The following RFTN2 variants were observed in gnomAD, a reference collection of about 807,000 sequenced individuals.
RFTN2 encodes raftlin family member 2, also known as raftlin-2.
A neutral mutation model predicts 52.7 loss-of-function variants in RFTN2; 34 were observed. The observed-to-expected ratio is 0.64, with a 90% CI of 0.49 to 0.86. The LOEUF (loss-of-function observed/expected upper bound fraction) is 0.86. Among genes scored for constraint, RFTN2 ranks in the 40% least tolerant of loss-of-function variants. The pLI is 0.00. For synonymous variants in RFTN2, 203 were observed against 217.7 expected, an observed-to-expected ratio of 0.93 and a Z score of 0.59; for missense variants, 536 against 600.1, an observed-to-expected ratio of 0.89 and a Z score of 1.12.
In RFTN2 at chr2:197,568,428, TTAAA is replaced by T. The variant is rs1329002616; in HGVS notation, c.*3576_*3579del. 2.0e-5 allele frequency: 3 copies of T among 152,190 alleles called. No individual in the cohort carries two copies. The highest frequency in any genetic ancestry group is 7.2e-5 in the African/African-American group (3 of 41,438). 9.4% of individuals were successfully genotyped at this position (152,190 alleles called of 1,614,324 possible). On this transcript the variant is annotated 3_prime_UTR_variant, in exon 9 of 9. Coordinates refer to ENST00000295049, the MANE Select transcript of RFTN2 (RefSeq NM_144629.3). The stretch of plus-strand genomic sequence containing the variant: ...TCTGCCTCAAACACCATCTCAGAAC[TTAAA>T]TATCTGACAGACCTGGTTCTGCAAA...
At chr2:197,589,420 C>G (rs919337987) in intron 8 of RFTN2, among the ~76,000 whole-genome samples, 3 of 151,972 alleles carry the variant, frequency 2.0e-5, no homozygotes, top group Non-Finnish European at 4.4e-5. Context: ...TCAGGTATGT[C>G]TTTATCAGCT....
rs182680009 is a variant in RFTN2, at chr2:197,614,236, T to C, written c.1154+1640A>G. 3.1e-3 allele frequency among the ~76,000 whole-genome samples: 470 copies of C among 152,332 alleles called. 8 individuals carry two copies. The highest frequency in any genetic ancestry group is 4.7e-4 in the Non-Finnish European group (32 of 68,026). Reference sequence around the variant, plus strand: ...GCTTCCACATATTTTTATTTATTGATTGACTTTTTGCCTTTTAAATTTGAT... The same window carrying C: ...GCTTCCACATATTTTTATTTATTGACTGACTTTTTGCCTTTTAAATTTGAT... On this transcript the variant is annotated intron_variant, in intron 7 of 8. Coordinates refer to ENST00000295049, the MANE Select transcript of RFTN2 (RefSeq NM_144629.3).
chr2:197,601,376 T>C (rs1191677062), intron 7 of RFTN2, among the ~76,000 whole-genome samples: 1 of 152,218 alleles, frequency 6.6e-6, no homozygotes, highest in Non-Finnish European at 1.5e-5. Flanking sequence ...TTGACTCCTG[T>C]AGTGCTCTCA....
At position 197,569,929 on chromosome 2, in the gene RFTN2, CAAAAAAAAAAAA is replaced by C. The variant is rs58563614; in HGVS notation, c.*2067_*2078del. The C allele has an allele frequency of 2.7e-5, 2 of 75,108 alleles. No individual in the cohort carries two copies. The highest frequency in any genetic ancestry group is 4.8e-5 in the Non-Finnish European group (2 of 41,324). 4.7% of individuals were successfully genotyped at this position (75,108 alleles called of 1,614,324 possible). ...TGGGTGACAGAGTGAGGCTCTGTCT[CAAAAAAAAAAAA>C]AAAAAAAAAAAGTTATTGCTATATT... On this transcript the variant is annotated 3_prime_UTR_variant, in exon 9 of 9. Transcript: ENST00000295049.
intron 4 of RFTN2, among the ~76,000 whole-genome samples, chr2:197,632,704 T>C (rs2088486739): frequency 6.6e-6 from 1 of 152,118 alleles, no homozygotes; most frequent in Non-Finnish European, 1.5e-5. Flanking sequence ...ATGGTGGAGA[T>C]GGGTGCGATC....
chr2:197,583,685 T>C (rs2087547503), intron 8 of RFTN2, among the ~76,000 whole-genome samples: 1 of 152,024 alleles, frequency 6.6e-6, no homozygotes, highest in Admixed American at 6.6e-5. Context: ...ACATGCAGGT[T>C]TGTTACATAT....
chr2:197,586,355 C>T (rs2087598275), intron 8 of RFTN2, among the ~76,000 whole-genome samples: 1 of 152,158 alleles, frequency 6.6e-6, no homozygotes, highest in Non-Finnish European at 1.5e-5. Context: ...TGACAGCTGC[C>T]GCCCTAGCTG....
intron 5 of RFTN2, among the ~76,000 whole-genome samples, chr2:197,618,693 C>T (rs1392872209): frequency 6.6e-6 from 1 of 151,690 alleles, no homozygotes; most frequent in Non-Finnish European, 1.5e-5. Flanking sequence ...GCGTCTCTGC[C>T]CGGCCGCCCA....
chr2:197,628,854 G>C (rs528041273), intron 5 of RFTN2, among the ~76,000 whole-genome samples: 1 of 152,286 alleles, frequency 6.6e-6, no homozygotes, highest in Admixed American at 6.5e-5. Context: ...TTAAGAAACT[G>C]AGACTCAGTG....
intron 3 of RFTN2, 135 bp from the exon 4 acceptor site, chr2:197,634,132 TAAAC>T: frequency 1.4e-6 from 1 of 699,940 alleles, no homozygotes; most frequent in Non-Finnish European, 2.3e-6. Context: ...GACTCATTCA[TAAAC>T]TAATGAATCA....
chr2:197,628,467 A>G (rs1351684360), intron 5 of RFTN2, among the ~76,000 whole-genome samples: 1 of 152,194 alleles, frequency 6.6e-6, no homozygotes, highest in Non-Finnish European at 1.5e-5. Context: ...TGCTGTGGCT[A>G]ATTTTATTTT....
chr2:197,649,823 C>G (rs1471537805), intron 1 of RFTN2, among the ~76,000 whole-genome samples: 1 of 152,166 alleles, frequency 6.6e-6, no homozygotes, highest in Non-Finnish European at 1.5e-5. Context: ...AAAAAGGCAC[C>G]TACGAAGTTC....
chr2:197,619,098 C>A (rs2088207841), intron 5 of RFTN2, among the ~76,000 whole-genome samples: 1 of 150,782 alleles, frequency 6.6e-6, no homozygotes, highest in African/African-American at 2.4e-5. Context: ...GTGAGGAGCC[C>A]CTCTGCCCGG....
chr2:197,640,158 C>T (rs1438559889), intron 3 of RFTN2, among the ~76,000 whole-genome samples: 1 of 152,232 alleles, frequency 6.6e-6, no homozygotes, highest in Admixed American at 6.5e-5. Context: ...CAGACAAGGA[C>T]ATTTAAGTCT....
chr2:197,630,110 C>T (rs751949082), intron 5 of RFTN2, among the ~76,000 whole-genome samples: 1 of 152,154 alleles, frequency 6.6e-6, no homozygotes, highest in Non-Finnish European at 1.5e-5. Flanking sequence ...TGCTCCAATT[C>T]GTTTGGTCCT....
At chr2:197,607,095 G>C (rs1331026613) in intron 7 of RFTN2, among the ~76,000 whole-genome samples, 1 of 152,200 alleles carries the variant, frequency 6.6e-6, no homozygotes, top group Admixed American at 6.5e-5. Context: ...GTCCAACAAT[G>C]ATAGACTGGA....
intron 8 of RFTN2, among the ~76,000 whole-genome samples, chr2:197,588,975 G>A (rs1243936287): frequency 6.6e-6 from 1 of 152,108 alleles, no homozygotes; most frequent in African/African-American, 2.4e-5. Flanking sequence ...TGTAATCCCA[G>A]CATTTTGGGA....
chr2:197,621,005 CAAA>C (rs1011978933), intron 5 of RFTN2, among the ~76,000 whole-genome samples: 2 of 149,848 alleles, frequency 1.3e-5, no homozygotes, highest in African/African-American at 4.9e-5. Context: ...GAAAAACAAA[CAAA>C]AAACCCAGTG....
chr2:197,599,800 T>G (rs2087853125), intron 7 of RFTN2, among the ~76,000 whole-genome samples: 1 of 152,122 alleles, frequency 6.6e-6, no homozygotes, highest in South Asian at 2.1e-4. Context: ...TCCTGTGGTG[T>G]GAAGGGGAAT....
Sources: gnomAD v4.1 joint callset for allele counts (sites outside exome capture counted in the v4.1 genomes callset) on GRCh38, gnomAD v4.1.1 for gene constraint, MANE v1.5 for transcripts, NCBI Gene and HGNC (gene_info 2026-07-23, HGNC 2026-07-21) for gene names.